The following CSMD1 variants were observed in gnomAD, a reference collection of about 807,000 sequenced individuals.
CSMD1 encodes CUB and Sushi multiple domains 1.
A neutral mutation model predicts 417.5 loss-of-function variants in CSMD1; 213 were observed. The ratio of observed to expected loss-of-function variants is 0.51; its 90% CI spans 0.46 to 0.57. The LOEUF (loss-of-function observed/expected upper bound fraction) is 0.57. Ranked by LOEUF, CSMD1 falls within the 20% of genes least tolerant of loss-of-function variation. The pLI is 0.00. For synonymous variants in CSMD1, 2,862 were observed against 1,736.8 expected (o/e 1.65, Z -16.11); for missense variants, 6,923 against 4,529.7 (o/e 1.53, Z -15.17).
At chr8:3,602,598 C>T (rs190510350) in intron 8 of CSMD1, among the ~76,000 whole-genome samples, 28 of 152,146 alleles carry the variant, frequency 1.8e-4, no homozygotes, top group Admixed American at 1.6e-3. Context: ...TTTGCAGAAT[C>T]TTATTCTAAA....
chr8:3,838,626 AAT>A (rs929353726), intron 5 of CSMD1, among the ~76,000 whole-genome samples: 8 of 132,942 alleles, frequency 6.0e-5, no homozygotes, highest in Non-Finnish European at 9.2e-5. Context: ...TAAATAAATT[AAT>A]ATATAATAAA....
intron 2 of CSMD1, among the ~76,000 whole-genome samples, chr8:4,514,403 A>T (rs950296585): frequency 6.6e-6 from 1 of 152,108 alleles, no homozygotes; most frequent in African/African-American, 2.4e-5. Context: ...AGTCCACAAT[A>T]CCATTCTAGA....
chr8:3,898,865 A>G (rs531098561), intron 5 of CSMD1, among the ~76,000 whole-genome samples: 9 of 152,280 alleles, frequency 5.9e-5, no homozygotes, highest in African/African-American at 2.2e-4. Context: ...GATAGCCCCA[A>G]TACTCTGTTG....
chr8:4,242,358 A>C (rs972175749), intron 3 of CSMD1, among the ~76,000 whole-genome samples: 3 of 152,136 alleles, frequency 2.0e-5, no homozygotes, highest in Admixed American at 2.0e-4. Context: ...TCCCTAAGTA[A>C]TCAAAGAGCT....
At chr8:3,208,003 C>A (rs909003990) in intron 30 of CSMD1, among the ~76,000 whole-genome samples, 1 of 152,134 alleles carries the variant, frequency 6.6e-6, no homozygotes, top group Admixed American at 6.5e-5. Flanking sequence ...CCACCTTAAC[C>A]ATGTGAAGTC....
chr8:4,764,771 G>C (rs561295607), intron 1 of CSMD1, among the ~76,000 whole-genome samples: 75 of 150,424 alleles, frequency 5.0e-4, no homozygotes, highest in Admixed American at 9.3e-4. Context: ...TACTCTGGAG[G>C]CTGCGGCAGG....
chr8:3,701,324 G>A (rs1454252031), intron 7 of CSMD1, among the ~76,000 whole-genome samples: 3 of 152,078 alleles, frequency 2.0e-5, no homozygotes, highest in African/African-American at 7.2e-5. Context: ...TATTTCTCAT[G>A]GTAGCCCTAT....
At chr8:4,505,982 G>C (rs990199259) in intron 2 of CSMD1, among the ~76,000 whole-genome samples, 3 of 151,858 alleles carry the variant, frequency 2.0e-5, no homozygotes, top group African/African-American at 7.3e-5. Flanking sequence ...TATTTTAGTG[G>C]AGATGGGGTG....
intron 3 of CSMD1, among the ~76,000 whole-genome samples, chr8:4,181,447 G>C (rs534563478): frequency 1.3e-5 from 2 of 152,012 alleles, no homozygotes; most frequent in East Asian, 3.9e-4. Flanking sequence ...AAAAAGAACT[G>C]TCTTGGGTCA....
At chr8:4,026,995 C>CAGA (rs1797096664) in intron 4 of CSMD1, among the ~76,000 whole-genome samples, 1 of 152,188 alleles carries the variant, frequency 6.6e-6, no homozygotes, top group Non-Finnish European at 1.5e-5. Context: ...TGTAGTCCCA[C>CAGA]TATGACAGAT....
intron 10 of CSMD1, among the ~76,000 whole-genome samples, chr8:3,534,063 G>C (rs1023776490): frequency 2.0e-5 from 3 of 152,072 alleles, no homozygotes; most frequent in East Asian, 1.9e-4. Context: ...TACTAGTTTT[G>C]ACTTCCTTTG....
intron 38 of CSMD1, among the ~76,000 whole-genome samples, chr8:3,158,215 G>C (rs1049732759): frequency 4.6e-5 from 7 of 152,106 alleles, no homozygotes; most frequent in Admixed American, 1.3e-4. Context: ...CTTTTGACCA[G>C]ACCATAATTC....
In CSMD1 at chr8:4,376,219, C is replaced by A. The variant is rs187901675; in HGVS notation, c.415+43734G>T. Among the ~76,000 whole-genome samples the A allele has an allele frequency of 2.8e-3, 423 of 152,212 alleles. 3 individuals carry two copies. The highest frequency in any genetic ancestry group is 9.1e-3 in the African/African-American group (379 of 41,532). ...TCTGCTGGCTCTGTTTGTCAATAATCGTTTTTGACGTTTTCCTATTTGACA... is the reference window on the plus strand; with the variant it reads ...TCTGCTGGCTCTGTTTGTCAATAATAGTTTTTGACGTTTTCCTATTTGACA... On this transcript the variant is annotated intron_variant, in intron 3 of 69. Transcript: ENST00000635120.
intron 50 of CSMD1, among the ~76,000 whole-genome samples, chr8:3,043,418 T>C (rs192624912): frequency 1.3e-5 from 2 of 152,232 alleles, no homozygotes; most frequent in African/African-American, 4.8e-5. Flanking sequence ...ATACTAGATA[T>C]GACTAGATGG....
intron 31 of CSMD1, 28 bp downstream of exon 31, chr8:3,205,476 T>C: frequency 9.1e-7 from 1 of 1,096,154 alleles, no homozygotes; most frequent in Non-Finnish European, 1.4e-6. Flanking sequence ...AATATGACAA[T>C]GAATTAAAAA....
chr8:3,036,378 TTTTGC>T (rs1435526755), intron 50 of CSMD1, among the ~76,000 whole-genome samples: 1 of 152,242 alleles, frequency 6.6e-6, no homozygotes, highest in Non-Finnish European at 1.5e-5. Flanking sequence ...AATTGTTTTG[TTTTGC>T]TTTGTTTTGT....
chr8:3,627,562 T>C (rs990727635), intron 7 of CSMD1, among the ~76,000 whole-genome samples: 4 of 152,182 alleles, frequency 2.6e-5, no homozygotes, highest in Admixed American at 6.5e-5. Flanking sequence ...CTTACAGGTA[T>C]CTGTAAATGT....
At chr8:3,812,389 C>G (rs914459045) in intron 5 of CSMD1, among the ~76,000 whole-genome samples, 1 of 152,034 alleles carries the variant, frequency 6.6e-6, no homozygotes, top group Non-Finnish European at 1.5e-5. Context: ...TACTTAAATG[C>G]AGGGAAATTA....
chr8:4,506,587 A>T (rs11780150), intron 2 of CSMD1, among the ~76,000 whole-genome samples: 1 of 152,144 alleles, frequency 6.6e-6, no homozygotes, highest in Non-Finnish European at 1.5e-5. Flanking sequence ...GGAAGTCACT[A>T]CCATTCTAAA....
Sources: gnomAD v4.1 joint callset for allele counts (sites outside exome capture counted in the v4.1 genomes callset) on GRCh38, gnomAD v4.1.1 for gene constraint, MANE v1.5 for transcripts, NCBI Gene and HGNC (gene_info 2026-07-23, HGNC 2026-07-21) for gene names.